Variants in PTPRB observed in about 807,000 individuals in gnomAD.
PTPRB encodes the protein protein tyrosine phosphatase receptor type B, also known as receptor-type tyrosine-protein phosphatase beta.
In PTPRB, 97 loss-of-function variants were observed where a neutral mutation model predicts 238.1. The ratio of observed to expected loss-of-function variants is 0.41; its 90% CI spans 0.35 to 0.48. The LOEUF is 0.48. Ranked by LOEUF, PTPRB falls within the 20% of genes least tolerant of loss-of-function variation. The probability of loss-of-function intolerance (pLI) is 0.30; values close to 1 mark genes in which losing one functional copy is unlikely to be tolerated. For missense variants in PTPRB, 2,292 were observed against 2,681.9 expected (o/e 0.85, Z 3.21); for synonymous variants, 970 against 995.4 (o/e 0.97, Z 0.48).
intron 12 of PTPRB, 51 bp from the exon 13 acceptor site, chr12:70,571,340 A>G (rs1229152367): frequency 6.8e-7 from 1 of 1,473,336 alleles, no homozygotes; most frequent in Non-Finnish European, 9.3e-7. Context: ...ATCAGAGTTT[A>G]CCTACATAAT....
At chr12:70,628,136 A>C (rs1885289565) in intron 2 of PTPRB, among the ~76,000 whole-genome samples, 1 of 152,140 alleles carries the variant, frequency 6.6e-6, no homozygotes. Flanking sequence ...GACACTTGAA[A>C]ATTTGCCTAC....
intron 11 of PTPRB, among the ~76,000 whole-genome samples, chr12:70,574,645 G>T (rs1283442286): frequency 6.6e-6 from 1 of 152,152 alleles, no homozygotes; most frequent in African/African-American, 2.4e-5. Flanking sequence ...AGAAATATTG[G>T]TATTTTCACC....
rs895009642 is a variant in PTPRB, at chr12:70,576,527, G to A, written c.2697C>T (p.Asp899=). 55 of 1,564,510 alleles carry A rather than the reference G, an allele frequency of 3.5e-5. No individual in the cohort carries two copies. The highest frequency in any genetic ancestry group is 4.6e-5 in the Non-Finnish European group (53 of 1,153,186). The change falls in exon 11 of 34, where the codon GAC becomes GAT. Residue 899 remains aspartate, a synonymous_variant. Coordinates refer to ENST00000334414, the MANE Select transcript of PTPRB (RefSeq NM_001109754.4). ...TGACAAGGGACTGAACCACCTTGCC[G>A]TCATGAGACAATGTTACCTCATAGT... The part of the protein sequence containing the change: ...VDNYEVTLSH[D]GKVVQSLVIA...
At chr12:70,555,079 T>C in intron 20 of PTPRB, 81 bp downstream of exon 20, 3 of 1,481,432 alleles carry the variant, frequency 2.0e-6, no homozygotes, top group Non-Finnish European at 2.7e-6. Flanking sequence ...TTTCTTAAAC[T>C]TTGTCACAGA....
chr12:70,530,573 A>T (rs534119589), intron 32 of PTPRB, among the ~76,000 whole-genome samples: 10 of 152,306 alleles, frequency 6.6e-5, no homozygotes, highest in African/African-American at 2.4e-4. Flanking sequence ...AGATAATATG[A>T]TAAGTGGGAT....
intron 9 of PTPRB, among the ~76,000 whole-genome samples, chr12:70,582,479 A>C (rs1469660059): frequency 6.6e-6 from 1 of 152,196 alleles, no homozygotes; most frequent in East Asian, 1.9e-4. Context: ...AGAAACATAG[A>C]TTGATAGAAC....
chr12:70,563,858 C>A (rs1878850461), intron 15 of PTPRB, among the ~76,000 whole-genome samples: 1 of 152,164 alleles, frequency 6.6e-6, no homozygotes, highest in African/African-American at 2.4e-5. Flanking sequence ...ATCCACTCAG[C>A]CCCCAAGTGC....
chr12:70,620,328 T>A (rs773730991), intron 3 of PTPRB, among the ~76,000 whole-genome samples: 11 of 152,174 alleles, frequency 7.2e-5, no homozygotes, highest in Admixed American at 2.6e-4. Flanking sequence ...CTGGAACTGG[T>A]TGTCCCAGAC....
chr12:70,544,984 GAT>G (rs1388161461), intron 21 of PTPRB, among the ~76,000 whole-genome samples: 1 of 152,184 alleles, frequency 6.6e-6, no homozygotes, highest in African/African-American at 2.4e-5. Context: ...AATCAGATGA[GAT>G]GTGTGCTATG....
chr12:70,559,676 T>C (rs2303962), intron 17 of PTPRB, 52 bp from the exon 18 acceptor site: 320,640 of 1,488,246 alleles, frequency 0.22, 35,761 homozygotes, highest in South Asian at 0.31. Context: ...TGCCATAACA[T>C]ATACAAATAA....
In PTPRB at chr12:70,569,877, C is replaced by T. The variant is rs867170261; in HGVS notation, c.3432G>A (p.Val1144=). ...CGTCTCCCCCACCAGGAGTCCAGTTCACCGTCAGGCTATCTGTTGCTCCAT... is the reference window on the plus strand; with the variant it reads ...CGTCTCCCCCACCAGGAGTCCAGTTTACCGTCAGGCTATCTGTTGCTCCAT... The part of the protein sequence containing the change: ...SPNGATDSLT[V]NWTPGGGDVD... Residue 1144 remains valine, a synonymous_variant, in exon 14 of 34, where the codon GTG becomes GTA. Transcript: ENST00000334414. 6.2e-7 allele frequency: 1 copy of T among 1,613,612 alleles called. No homozygotes were observed.
intron 2 of PTPRB, among the ~76,000 whole-genome samples, chr12:70,627,820 TTA>T (rs1274237747): frequency 2.0e-5 from 3 of 152,196 alleles, no homozygotes; most frequent in Non-Finnish European, 2.9e-5. Context: ...GACAGCCAAT[TTA>T]GTACAAGTAG....
At chr12:70,541,174 G>A (rs539270495) in intron 22 of PTPRB, 23 of 506,028 alleles carry the variant, frequency 4.5e-5, no homozygotes, top group Non-Finnish European at 7.0e-5. Flanking sequence ...GAGGCCAGGT[G>A]TCACTGCATA....
At position 70,626,543 on chromosome 12, in the gene PTPRB, AT is replaced by A. The variant is rs756233770; in HGVS notation, c.452-3898del. ...GCATCTGTACTGAACATGTACAGAC[AT>A]TTTTTCCTTGTCATTATTCGCTAAG... On this transcript the variant is annotated intron_variant, in intron 2 of 33. Transcript: ENST00000334414. Among the ~76,000 whole-genome samples the A allele has an allele frequency of 5.3e-5, 8 of 151,724 alleles. No individual in the cohort carries two copies. The East Asian group carries it at 9.7e-4, about 18-fold the overall frequency.
chr12:70,544,178 T>C (rs1875606725), intron 22 of PTPRB, among the ~76,000 whole-genome samples: 1 of 152,220 alleles, frequency 6.6e-6, no homozygotes, highest in African/African-American at 2.4e-5. Flanking sequence ...TTTTTTCTTT[T>C]AGTCTTTTTT....
rs764368881 is a variant in PTPRB at position 70,534,655 on chromosome 12, T to TAAGA, written c.6205-8_6205-5dup. 55 of 1,611,406 alleles carry TAAGA rather than the reference T, an allele frequency of 3.4e-5. No homozygotes were observed. Among genetic ancestry groups the TAAGA allele is most frequent in the Middle Eastern group, 3.3e-4 (2 of 6,084 alleles). On this transcript the variant is annotated splice_polypyrimidine_tract_variant and splice_region_variant and intron_variant, in intron 30 of 33. Transcript: ENST00000334414. ...TGTGTGCATCAAGCTGTTCCTCCTG[T>TAAGA]AAGAGCAGAGAGCAGGATAAAAGAG...
At chr12:70,608,169 TA>T (rs1416419297) in intron 4 of PTPRB, among the ~76,000 whole-genome samples, 1 of 152,250 alleles carries the variant, frequency 6.6e-6, no homozygotes, top group African/African-American at 2.4e-5. Flanking sequence ...ATTTGACTTT[TA>T]AAATTTTAAC....
In PTPRB at chr12:70,587,204, C is replaced by T. The variant is rs1882007823; in HGVS notation, c.2114G>A (p.Trp705Ter). The T allele has an allele frequency of 1.2e-6, 2 of 1,613,644 alleles. No individual in the cohort carries two copies. Among genetic ancestry groups the T allele is most frequent in the Non-Finnish European group, 1.7e-6 (2 of 1,179,782 alleles). ...CTCCCATTCTGCTACAGGGGTCTGC[C>T]ACATGATACTCAGTGAGGTTTCATT... ...HANETSLSIM[W>*]QTPVAEWEKY... is the part of the protein sequence containing the mutation. The change falls in exon 9 of 34, where the codon TGG (tryptophan) becomes TAG (stop). Residue 705 changes from tryptophan to a stop codon, truncating the protein, a stop_gained. Coordinates refer to ENST00000334414, the MANE Select transcript of PTPRB (RefSeq NM_001109754.4). LOFTEE classifies it high-confidence loss of function.
intron 5 of PTPRB, among the ~76,000 whole-genome samples, chr12:70,595,409 T>G (rs1208328399): frequency 6.6e-6 from 1 of 152,134 alleles, no homozygotes; most frequent in African/African-American, 2.4e-5. Context: ...GTAACAAACC[T>G]GCATGTTCTG....
Sources: allele counts gnomAD v4.1 joint callset (sites outside exome capture counted in the v4.1 genomes callset), GRCh38; gene constraint gnomAD v4.1.1; transcripts MANE v1.5; gene names NCBI Gene and HGNC (gene_info 2026-07-23, HGNC 2026-07-21).